Variants in CFAP418 observed in about 807,000 individuals in gnomAD.
CFAP418 encodes cilia- and flagella-associated protein 418.
CFAP418 carries 27 observed loss-of-function variants against 24.7 expected under a neutral mutation model. That is an observed-to-expected ratio of 1.09 (90% CI 0.81 to 1.51). The LOEUF (loss-of-function observed/expected upper bound fraction) is 1.51, where lower values mean the gene tolerates loss of function less well. Ranked by LOEUF, CFAP418 falls within the 40% of genes most tolerant of loss-of-function variation. The pLI, the probability that CFAP418 is intolerant of heterozygous loss-of-function variation, is 0.00. For missense variants in CFAP418, 257 were observed against 255.2 expected, an observed-to-expected ratio of 1.01 and a Z score of -0.05; for synonymous variants, 74 against 87.3, an observed-to-expected ratio of 0.85 and a Z score of 0.85.
chr8:95,268,860 A>G (rs1379268881), intron 1 of CFAP418, 175 bp downstream of exon 1: 2 of 673,330 alleles, frequency 3.0e-6, no homozygotes, highest in East Asian at 2.6e-5. Context: ...AGAATCCGCG[A>G]AGAGGGTCGA....
intron 1 of CFAP418, chr8:95,268,817 G>C (rs909580094): frequency 3.6e-5 from 15 of 412,042 alleles, no homozygotes; most frequent in Middle Eastern, 7.0e-4. Flanking sequence ...GGGCATGCCG[G>C]GGGGCGGAGT....
intron 1 of CFAP418, among the ~76,000 whole-genome samples, chr8:95,265,771 C>T (rs543435581): frequency 1.3e-5 from 2 of 152,310 alleles, no homozygotes; most frequent in African/African-American, 4.8e-5. Context: ...AATGCCTACA[C>T]TTGCCTATGC....
chr8:95,253,062 C>G (rs991758651), intron 4 of CFAP418, among the ~76,000 whole-genome samples: 3 of 151,980 alleles, frequency 2.0e-5, no homozygotes, highest in African/African-American at 7.3e-5. Flanking sequence ...GTAATCCCAG[C>G]CCTTTGGGAG....
chr8:95,253,288 C>T (rs187259868), intron 4 of CFAP418, among the ~76,000 whole-genome samples: 81 of 149,580 alleles, frequency 5.4e-4, no homozygotes, highest in Admixed American at 3.1e-3. Flanking sequence ...CCAGCCTGGG[C>T]GACAAAGCGA....
At chr8:95,257,251 T>C (rs1471590753) in intron 4 of CFAP418, among the ~76,000 whole-genome samples, 2 of 152,190 alleles carry the variant, frequency 1.3e-5, no homozygotes. Context: ...GCAACAACAC[T>C]ACCTCTACAG....
chr8:95,268,862 G>C (rs996463123), intron 1 of CFAP418, 173 bp downstream of exon 1: 9 of 678,666 alleles, frequency 1.3e-5, no homozygotes, highest in Non-Finnish European at 2.2e-5. Context: ...AATCCGCGAA[G>C]AGGGTCGACG....
intron 5 of CFAP418, 135 bp from the exon 6 acceptor site, chr8:95,247,905 T>G (rs1464444329): frequency 1.1e-6 from 1 of 902,162 alleles, no homozygotes; most frequent in African/African-American, 1.7e-5. Flanking sequence ...TCAGGCTGGA[T>G]TGCGGTGGCA....
chr8:95,250,016 G>C (rs148494993), intron 5 of CFAP418, among the ~76,000 whole-genome samples: 59 of 152,292 alleles, frequency 3.9e-4, no homozygotes, highest in African/African-American at 1.3e-3. Context: ...TTGTCTCTAT[G>C]ACCTTGCTGC....
chr8:95,264,416 A>G (rs1297319091), intron 1 of CFAP418, among the ~76,000 whole-genome samples: 1 of 152,196 alleles, frequency 6.6e-6, no homozygotes, highest in African/African-American at 2.4e-5. Flanking sequence ...CTGAATACTT[A>G]CTATAACCCA....
At chr8:95,251,394 G>A (rs1291326759) in intron 5 of CFAP418, among the ~76,000 whole-genome samples, 1 of 152,202 alleles carries the variant, frequency 6.6e-6, no homozygotes, top group East Asian at 1.9e-4. Context: ...GAGGGAATGG[G>A]AGCCTTGAGT....
chr8:95,262,280 T>C (rs1299535655), intron 2 of CFAP418, among the ~76,000 whole-genome samples: 2 of 152,204 alleles, frequency 1.3e-5, no homozygotes, highest in African/African-American at 4.8e-5. Flanking sequence ...TTACATATTA[T>C]TCAACTTGGC....
intron 5 of CFAP418, among the ~76,000 whole-genome samples, chr8:95,250,076 C>T (rs1044665788): frequency 1.3e-5 from 2 of 152,178 alleles, no homozygotes; most frequent in African/African-American, 4.8e-5. Context: ...TTCCTCTCAT[C>T]TTATGAGCCC....
intron 2 of CFAP418, among the ~76,000 whole-genome samples, chr8:95,262,331 A>G (rs1294278262): frequency 1.3e-5 from 2 of 152,146 alleles, no homozygotes; most frequent in Non-Finnish European, 2.9e-5. Flanking sequence ...GAAAAAGTTT[A>G]ATTTTCTAAA....
intron 2 of CFAP418, among the ~76,000 whole-genome samples, chr8:95,262,586 C>T (rs2132163443): frequency 6.6e-6 from 1 of 152,224 alleles, no homozygotes; most frequent in East Asian, 1.9e-4. Flanking sequence ...TGACACACAC[C>T]ATACTGATAA....
Position 95,269,173 on chromosome 8 carries a change from T to C in CFAP418, c.17A>G (p.Asp6Gly), listed in dbSNP as rs747646631. The C allele has an allele frequency of 3.1e-6, 5 of 1,614,064 alleles. No individual in the cohort carries two copies. In the African/African-American group the frequency reaches 5.3e-5, roughly 17 times the overall value. The stretch of plus-strand genomic sequence containing the variant: ...GGACTCGACTTCATCCAAGAGCTCG[T>C]CCAGGTCCTCCGCCATCTTGAATCG... MAEDL[D>G]ELLDEVESKF... Residue 6 changes from aspartate (D) to glycine (G), a missense_variant, in exon 1 of 6, where the codon GAC becomes GGC. Asp to Gly is a moderately conservative substitution (Grantham distance 94). Coordinates refer to ENST00000286688, the MANE Select transcript of CFAP418 (RefSeq NM_177965.4).
rs1240574065 is a variant in CFAP418, at chr8:95,247,406, ACATC to A, written c.*207_*210del. The A allele has an allele frequency of 5.5e-6, 3 of 549,980 alleles. No individual in the cohort carries two copies. In the African/African-American group the frequency reaches 5.8e-5, roughly 11 times the overall value. 34.1% of individuals were successfully genotyped at this position (549,980 alleles called of 1,614,324 possible). On this transcript the variant is annotated 3_prime_UTR_variant, in exon 6 of 6. Coordinates refer to ENST00000286688, the MANE Select transcript of CFAP418 (RefSeq NM_177965.4). ...ATGTAGATGCCTGTTACTAAGTGAA[ACATC>A]CATGTATCAGGAATAATTCCAAAGT...
chr8:95,266,391 G>A (rs1299398000), intron 1 of CFAP418, among the ~76,000 whole-genome samples: 2 of 151,992 alleles, frequency 1.3e-5, no homozygotes, highest in South Asian at 2.1e-4. Context: ...TCAACAAATT[G>A]CATGTTTTGA....
chr8:95,253,366 G>A (rs986646470), intron 4 of CFAP418, among the ~76,000 whole-genome samples: 5 of 151,954 alleles, frequency 3.3e-5, no homozygotes, highest in African/African-American at 4.8e-5. Flanking sequence ...CAGTAACCCT[G>A]GTTGCATCAG....
In CFAP418 at chr8:95,246,521, A is replaced by G. The variant is rs1179651677; in HGVS notation, c.*1096T>C. ...ATTATTCCCTTTCAGGGTGCTCTGT[A>G]TCACACATTTGAACTATATAGTACA... On this transcript the variant is annotated 3_prime_UTR_variant, in exon 6 of 6. Coordinates refer to ENST00000286688, the MANE Select transcript of CFAP418 (RefSeq NM_177965.4). 1.2e-4 allele frequency: 19 copies of G among 152,222 alleles called. No homozygotes were observed. The highest frequency in any genetic ancestry group is 1.2e-3 in the Admixed American group (19 of 15,282). The allele number at this position is 152,222 out of a possible 1,614,324, so 9.4% of individuals were successfully genotyped here.
Sources: allele counts gnomAD v4.1 joint callset (sites outside exome capture counted in the v4.1 genomes callset), GRCh38; gene constraint gnomAD v4.1.1; transcripts MANE v1.5; gene names NCBI Gene and HGNC (gene_info 2026-07-23, HGNC 2026-07-21).